Variants in SNX3 observed in about 807,000 individuals in gnomAD.
SNX3 encodes the protein sorting nexin-3.
A neutral mutation model predicts 17.7 loss-of-function variants in SNX3; 5 were observed. That is an observed-to-expected ratio of 0.28 (90% CI 0.15 to 0.59). The LOEUF is 0.59. Ranked by LOEUF, SNX3 falls within the 20% of genes least tolerant of loss-of-function variation. SNX3 has a pLI of 0.88. For synonymous variants in SNX3, 91 were observed against 76.5 expected (o/e 1.19, Z -0.99); for missense variants, 132 against 206.8 (o/e 0.64, Z 2.22).
At chr6:108,225,469 A>G (rs951326349) in intron 1 of SNX3, among the ~76,000 whole-genome samples, 5 of 151,896 alleles carry the variant, frequency 3.3e-5, no homozygotes, top group African/African-American at 1.2e-4. Flanking sequence ...TGTCTCCACT[A>G]AAAATACAAA....
intron 1 of SNX3, chr6:108,252,087 C>CAAAAAAAAAAAAA (rs777979859): frequency 7.7e-6 from 1 of 129,116 alleles, no homozygotes; most frequent in African/African-American, 3.0e-5. Context: ...ATAAATAAAA[C>CAAAAAAAAAAAAA]AAACAAACAA....
At chr6:108,233,123 C>T (rs998253558) in intron 1 of SNX3, among the ~76,000 whole-genome samples, 6 of 152,194 alleles carry the variant, frequency 3.9e-5, no homozygotes, top group Non-Finnish European at 7.3e-5. Flanking sequence ...AGCTTAAATG[C>T]ATAAACCAAG....
intron 1 of SNX3, among the ~76,000 whole-genome samples, chr6:108,244,367 C>T (rs1199868890): frequency 6.6e-6 from 1 of 152,146 alleles, no homozygotes; most frequent in Non-Finnish European, 1.5e-5. Context: ...GTTACCCAGA[C>T]TGGTTTTTAA....
chr6:108,220,990 A>G (rs542552986), intron 2 of SNX3, among the ~76,000 whole-genome samples: 5 of 152,060 alleles, frequency 3.3e-5, no homozygotes, highest in Admixed American at 3.3e-4. Context: ...AGATGTTTTG[A>G]TGTCTGGTAG....
At chr6:108,239,845 G>A (rs1213669002) in intron 1 of SNX3, among the ~76,000 whole-genome samples, 1 of 152,102 alleles carries the variant, frequency 6.6e-6, no homozygotes, top group African/African-American at 2.4e-5. Context: ...CAAGGGGCCT[G>A]GAAATATTTG....
At chr6:108,215,006 CAATT>C (rs1774522331) in intron 2 of SNX3, among the ~76,000 whole-genome samples, 1 of 152,222 alleles carries the variant, frequency 6.6e-6, no homozygotes, top group African/African-American at 2.4e-5. Flanking sequence ...AATCAACTCT[CAATT>C]AAATGAAGAA....
chr6:108,242,138 C>A (rs563162003), intron 1 of SNX3, among the ~76,000 whole-genome samples: 22 of 152,190 alleles, frequency 1.4e-4, no homozygotes, highest in Admixed American at 3.9e-4. Flanking sequence ...AGAAACTGTC[C>A]ATTCTGAAAA....
chr6:108,212,974 G>A (rs1428648430), intron 3 of SNX3, among the ~76,000 whole-genome samples: 1 of 139,432 alleles, frequency 7.2e-6, no homozygotes, highest in Non-Finnish European at 1.5e-5. Context: ...TGCAACCTCT[G>A]TCTCCCAGGT....
intron 2 of SNX3, chr6:108,222,276 C>T (rs1432270765): frequency 3.1e-6 from 4 of 1,304,210 alleles, no homozygotes; most frequent in South Asian, 2.5e-5. Flanking sequence ...GAGCACACCA[C>T]GTCCTTCCAT....
At chr6:108,255,032 A>G (rs1188854640) in intron 1 of SNX3, among the ~76,000 whole-genome samples, 1 of 152,244 alleles carries the variant, frequency 6.6e-6, no homozygotes, top group African/African-American at 2.4e-5. Context: ...AATTTTATAG[A>G]TAGAGCACAG....
chr6:108,225,974 A>G (rs1474777292), intron 1 of SNX3, among the ~76,000 whole-genome samples: 1 of 150,494 alleles, frequency 6.6e-6, no homozygotes, highest in Non-Finnish European at 1.5e-5. Flanking sequence ...CAGGAGTTCC[A>G]GACTGTAGTG....
intron 1 of SNX3, among the ~76,000 whole-genome samples, chr6:108,225,197 G>A (rs956850328): frequency 1.6e-4 from 24 of 152,158 alleles, no homozygotes; most frequent in African/African-American, 5.1e-4. Context: ...CAGGAGAATG[G>A]CGTGAACTCA....
At chr6:108,240,682 T>C (rs868863761) in intron 1 of SNX3, among the ~76,000 whole-genome samples, 3 of 152,202 alleles carry the variant, frequency 2.0e-5, no homozygotes, top group Admixed American at 6.5e-5. Context: ...TGCAGGACTA[T>C]TGTTGAAACC....
rs1297335055 is a variant in SNX3, at chr6:108,212,070, A to G, written c.*79T>C. On this transcript the variant is annotated 3_prime_UTR_variant, in exon 4 of 4. Coordinates refer to ENST00000230085, the MANE Select transcript of SNX3 (RefSeq NM_003795.6). ...AGGCATGTTATACCAGTTTCTGTGC[A>G]GCATGCTAAAAGTTAGAACTTCTTC... 1 of 707,764 alleles carries G rather than the reference A, an allele frequency of 1.4e-6. No homozygotes were observed. The highest frequency in any genetic ancestry group is 2.4e-6 in the Non-Finnish European group (1 of 410,174). 43.8% of individuals were successfully genotyped at this position (707,764 alleles called of 1,614,324 possible).
At chr6:108,215,513 C>G (rs566371858) in intron 2 of SNX3, among the ~76,000 whole-genome samples, 1 of 152,286 alleles carries the variant, frequency 6.6e-6, no homozygotes, top group East Asian at 1.9e-4. Flanking sequence ...AATGCCCTAT[C>G]CTGCTGTCTT....
At chr6:108,252,420 T>TA (rs1419579807) in intron 1 of SNX3, 7 of 152,442 alleles carry the variant, frequency 4.6e-5, no homozygotes, top group African/African-American at 1.7e-4. Flanking sequence ...CATTCTATCC[T>TA]GAATGCAATT....
intron 1 of SNX3, among the ~76,000 whole-genome samples, chr6:108,225,336 C>T (rs965861495): frequency 4.0e-5 from 6 of 151,888 alleles, no homozygotes; most frequent in East Asian, 2.0e-4. Context: ...TGGTGGCTCA[C>T]GCCTGTAATC....
intron 1 of SNX3, among the ~76,000 whole-genome samples, chr6:108,236,267 T>G (rs895097778): frequency 3.3e-5 from 5 of 151,784 alleles, no homozygotes; most frequent in African/African-American, 1.2e-4. Context: ...GATGATTGCT[T>G]GAAGCCAGGA....
chr6:108,251,518 G>A (rs1375867500), intron 1 of SNX3, among the ~76,000 whole-genome samples: 1 of 152,160 alleles, frequency 6.6e-6, no homozygotes, highest in Middle Eastern at 3.2e-3. Flanking sequence ...TGTCCTTCAA[G>A]GGCAGAAATA....
Sources: allele counts gnomAD v4.1 joint callset (sites outside exome capture counted in the v4.1 genomes callset), GRCh38; gene constraint gnomAD v4.1.1; transcripts MANE v1.5; gene names NCBI Gene and HGNC (gene_info 2026-07-23, HGNC 2026-07-21).